Variants in EMC10 observed in about 807,000 individuals in gnomAD.
EMC10 encodes ER membrane protein complex subunit 10.
A neutral mutation model predicts 32.2 loss-of-function variants in EMC10; 40 were observed. That is an observed-to-expected ratio of 1.24 (90% CI 0.96 to 1.61). The LOEUF (loss-of-function observed/expected upper bound fraction) is 1.61, where lower values mean the gene tolerates loss of function less well. EMC10 is among the 40% of genes most tolerant of loss of function. EMC10 has a pLI of 0.00. For missense variants in EMC10, 402 were observed against 357.7 expected (o/e 1.12, Z -1.00); for synonymous variants, 178 against 158.4 (o/e 1.12, Z -0.93).
chr19:50,476,870 T>G (rs1453264989), intron 1 of EMC10: 1 of 444,340 alleles, frequency 2.3e-6, no homozygotes, highest in East Asian at 3.7e-5. Context: ...CAAGCGCACC[T>G]GTCGGAAGGC....
At position 50,485,372 on chromosome 19, in the gene EMC10, G is replaced by A. The variant is rs2040378856; in HGVS notation, c.*3113G>A. On this transcript the variant is annotated 3_prime_UTR_variant, in exon 7 of 7. Transcript: ENST00000334976. ...TCCCACCCCTGATCTCCAGACTCAT[G>A]GCCCCAGCTGCCTCCTGGGCTCCTT... 1 of 152,142 alleles carries A rather than the reference G, an allele frequency of 6.6e-6. No individual in the cohort carries two copies. The highest frequency in any genetic ancestry group is 6.6e-5 in the Admixed American group (1 of 15,266). The allele number at this position is 152,142 out of a possible 1,614,324, so 9.4% of individuals were successfully genotyped here.
Position 50,480,083 on chromosome 19 carries a change from G to A in EMC10, c.298-28G>A. On this transcript the variant is annotated intron_variant, in intron 3 of 6. Coordinates refer to ENST00000334976, the MANE Select transcript of EMC10 (RefSeq NM_206538.4). This position sits in a 1 kb window ranked among gnomAD's most constrained non-coding sequence, Gnocchi z 4.4. ...TGTCCAGGGCTGACACCATCCTTCT[G>A]ACCAGCACCCTCTTCTCCCATCCCC... 1 of 1,571,336 alleles carries A rather than the reference G, an allele frequency of 6.4e-7. No homozygotes were observed. The highest frequency in any genetic ancestry group is 8.7e-7 in the Non-Finnish European group (1 of 1,154,062).
Position 50,485,732 on chromosome 19 carries a change from C to T in EMC10, c.*3473C>T, listed in dbSNP as rs1293111509. 6.8e-6 allele frequency: 1 copy of T among 146,318 alleles called. No individual in the cohort carries two copies. Among genetic ancestry groups the T allele is most frequent in the African/African-American group, 2.5e-5 (1 of 39,840 alleles). 9.1% of individuals were successfully genotyped at this position (146,318 alleles called of 1,614,324 possible). Reference sequence around the variant, plus strand: ...GTCCATCCCCCTAATGGAGAGCTTCCTGACACTAGAGCTGACCTCACTACT... The same window carrying T: ...GTCCATCCCCCTAATGGAGAGCTTCTTGACACTAGAGCTGACCTCACTACT... On this transcript the variant is annotated 3_prime_UTR_variant, in exon 7 of 7. Transcript: ENST00000334976.
chr19:50,483,358 C>T lies in EMC10; in HGVS notation c.*1099C>T. The T allele has an allele frequency of 6.1e-6, 2 of 325,974 alleles. No homozygotes were observed. The highest frequency in any genetic ancestry group is 4.9e-5 in the South Asian group (2 of 40,444). 20.2% of individuals were successfully genotyped at this position (325,974 alleles called of 1,614,324 possible). A position where few individuals can be genotyped will look rare whatever the true frequency, so the allele number is the denominator to read the frequency against. Reference sequence around the variant, plus strand: ...TCCCCCAGATCGACACGCAGCTAGCCTCCTGCATTGTATGGTTATAAATAG... The same window carrying T: ...TCCCCCAGATCGACACGCAGCTAGCTTCCTGCATTGTATGGTTATAAATAG... On this transcript the variant is annotated 3_prime_UTR_variant, in exon 7 of 7. Coordinates refer to ENST00000334976, the MANE Select transcript of EMC10 (RefSeq NM_206538.4).
Position 50,480,064 on chromosome 19 carries a change from G to C in EMC10, c.298-47G>C. On this transcript the variant is annotated intron_variant, in intron 3 of 6. Coordinates refer to ENST00000334976, the MANE Select transcript of EMC10 (RefSeq NM_206538.4). This position sits in a 1 kb window ranked among gnomAD's most constrained non-coding sequence, Gnocchi z 4.4. Reference sequence around the variant, plus strand: ...CCTGGTGGGCATCACAGCCTGTCCAGGGCTGACACCATCCTTCTGACCAGC... The same window carrying C: ...CCTGGTGGGCATCACAGCCTGTCCACGGCTGACACCATCCTTCTGACCAGC... 1 of 1,504,744 alleles carries C rather than the reference G, an allele frequency of 6.6e-7. No homozygotes were observed. The highest frequency in any genetic ancestry group is 9.1e-7 in the Non-Finnish European group (1 of 1,103,720). The allele number at this position is 1,504,744 out of a possible 1,614,324, so 93.2% of individuals were successfully genotyped here.
In EMC10 at chr19:50,488,588, G is replaced by A. The variant is rs1346045887; in HGVS notation, c.*6329G>A. Reference sequence around the variant, plus strand: ...TTGGGGGAGAAGAGGGTGGGGGAGAGGGGGCCCCGGGAGAGGGAGGGATGG... The same window carrying A: ...TTGGGGGAGAAGAGGGTGGGGGAGAAGGGGCCCCGGGAGAGGGAGGGATGG... On this transcript the variant is annotated 3_prime_UTR_variant, in exon 7 of 7. Transcript: ENST00000334976. 1 of 145,638 alleles carries A rather than the reference G, an allele frequency of 6.9e-6. No homozygotes were observed. Among genetic ancestry groups the A allele is most frequent in the Non-Finnish European group, 1.5e-5 (1 of 66,148 alleles). 9.0% of individuals were successfully genotyped at this position (145,638 alleles called of 1,614,324 possible).
At chr19:50,479,317 C>T (rs1388393282) in intron 3 of EMC10, among the ~76,000 whole-genome samples, 1 of 152,240 alleles carries the variant, frequency 6.6e-6, no homozygotes, top group African/African-American at 2.4e-5. Context: ...TGCTGGCAGA[C>T]CCCCTTCCCC....
chr19:50,481,434 CCAG>C (rs1432098356), intron 6 of EMC10: 1 of 227,648 alleles, frequency 4.4e-6, no homozygotes, highest in African/African-American at 2.3e-5. Context: ...GCCTGTGCTG[CCAG>C]CAGCAGGTCT....
Position 50,480,783 on chromosome 19 carries a change from C to T in EMC10, c.584+21C>T, listed in dbSNP as rs770437098. 77 of 1,571,878 alleles carry T rather than the reference C, an allele frequency of 4.9e-5. No individual in the cohort carries two copies. In the Middle Eastern group the frequency reaches 1.2e-3, roughly 24 times the overall value. ...CCAGGGTGAGCCTCTGCTGCCTTCG[C>T]GGCGCTCTTGCCACCTGCCCCGGCC... On this transcript the variant is annotated intron_variant, in intron 5 of 6. Transcript: ENST00000334976. This position sits in a 1 kb window ranked among gnomAD's most constrained non-coding sequence, Gnocchi z 4.4.
rs1041241953 is a variant in EMC10 at position 50,483,412 on chromosome 19, C to T, written c.*1153C>T. On this transcript the variant is annotated 3_prime_UTR_variant, in exon 7 of 7. Coordinates refer to ENST00000334976, the MANE Select transcript of EMC10 (RefSeq NM_206538.4). ...CCTAGTGAGTGCTGTCGTCCAGTCT[C>T]TCTTGGGTGTGGTTTGAATGATCTC... 2.4e-5 allele frequency: 5 copies of T among 204,314 alleles called. No homozygotes were observed. Among genetic ancestry groups the T allele is most frequent in the Non-Finnish European group, 3.0e-5 (3 of 98,804 alleles). The allele number at this position is 204,314 out of a possible 1,614,324, so 12.7% of individuals were successfully genotyped here. A position where few individuals can be genotyped will look rare whatever the true frequency, so the allele number is the denominator to read the frequency against.
At position 50,476,761 on chromosome 19, in the gene EMC10, A is replaced by T; in HGVS notation, c.114+103A>T. The T allele has an allele frequency of 2.7e-6, 2 of 741,678 alleles. 1 individual carries two copies. The highest frequency in any genetic ancestry group is 4.1e-6 in the Non-Finnish European group (2 of 487,104). The allele number at this position is 741,678 out of a possible 1,614,324, so 45.9% of individuals were successfully genotyped here. On this transcript the variant is annotated intron_variant, in intron 1 of 6. Coordinates refer to ENST00000334976, the MANE Select transcript of EMC10 (RefSeq NM_206538.4). The stretch of plus-strand genomic sequence containing the variant: ...CGGAAGGAGGCTGCGCAGGGCTGAG[A>T]GGGAAGAGGTGGGAGATCCCTGGAA...
chr19:50,477,068 C>CA (rs1260028526), intron 1 of EMC10: 1 of 159,106 alleles, frequency 6.3e-6, no homozygotes, highest in African/African-American at 2.6e-5. Context: ...CCAGCCTGGG[C>CA]AACATAGCGA....
chr19:50,480,848 G>A lies in EMC10; in HGVS notation c.585-36G>A, dbSNP rs201206109. 4,491 of 1,577,090 alleles carry A rather than the reference G, an allele frequency of 2.8e-3. 80 individuals carry two copies. The highest frequency in any genetic ancestry group is 9.4e-4 in the Non-Finnish European group (1,087 of 1,158,602). On this transcript the variant is annotated intron_variant, in intron 5 of 6. Coordinates refer to ENST00000334976, the MANE Select transcript of EMC10 (RefSeq NM_206538.4). This position sits in a 1 kb window ranked among gnomAD's most constrained non-coding sequence, Gnocchi z 4.4. ...CAGGGTCTCCAGGTCCCTGGACTCC[G>A]GGCCTCACCCTTCTCCTCCTCTCCC...
In EMC10 at chr19:50,481,273, A is replaced by G. The variant is rs184054441; in HGVS notation, c.678+296A>G. 760 of 362,102 alleles carry G rather than the reference A, an allele frequency of 2.1e-3. 6 individuals are homozygous for G. The highest frequency in any genetic ancestry group is 0.015 in the African/African-American group (704 of 47,234). The allele number at this position is 362,102 out of a possible 1,614,324, so 22.4% of individuals were successfully genotyped here. On this transcript the variant is annotated intron_variant, in intron 6 of 6. Transcript: ENST00000334976. ...AGGGAACAGTGGAGGTTTCAAAGGAACCAGGGAGGCTTGGAAAGGAGGGGC... is the reference window on the plus strand; with the variant it reads ...AGGGAACAGTGGAGGTTTCAAAGGAGCCAGGGAGGCTTGGAAAGGAGGGGC...
rs1193212156 is a variant in EMC10, at chr19:50,484,093, TCTCAG to T, written c.*1839_*1843del. On this transcript the variant is annotated 3_prime_UTR_variant, in exon 7 of 7. Transcript: ENST00000334976. ...TCCAGGCTGGAGTACAATGGCACGATCTCAGCTCACTGCAACCTCCGCTTCCTGAG... is the reference window on the plus strand; with the variant it reads ...TCCAGGCTGGAGTACAATGGCACGATCTCACTGCAACCTCCGCTTCCTGAG... 7.5e-6 allele frequency: 1 copy of T among 134,212 alleles called. No homozygotes were observed. Among genetic ancestry groups the T allele is most frequent in the Non-Finnish European group, 1.5e-5 (1 of 64,842 alleles). The allele number at this position is 134,212 out of a possible 1,614,324, so 8.3% of individuals were successfully genotyped here. A position where few individuals can be genotyped will look rare whatever the true frequency, so the allele number is the denominator to read the frequency against.
chr19:50,478,782 G>T (rs1477386072), intron 2 of EMC10, among the ~76,000 whole-genome samples, 175 bp from the exon 3 acceptor site: 1 of 152,208 alleles, frequency 6.6e-6, no homozygotes, highest in Non-Finnish European at 1.5e-5. Context: ...TTGTGAGGTG[G>T]AACATGGTGG....
rs1880919 is a variant in EMC10, at chr19:50,483,392, T to C, written c.*1133T>C. 0.097 allele frequency: 23,589 copies of C among 243,728 alleles called. 2,048 individuals are homozygous for C. Among genetic ancestry groups the C allele is most frequent in the African/African-American group, 0.27 (11,835 of 43,394 alleles). 15.1% of individuals were successfully genotyped at this position (243,728 alleles called of 1,614,324 possible). ...TGTATGGTTATAAATAGCACCCTAG[T>C]GAGTGCTGTCGTCCAGTCTCTCTTG... On this transcript the variant is annotated 3_prime_UTR_variant, in exon 7 of 7. Transcript: ENST00000334976.
chr19:50,482,705 C>T lies in EMC10; in HGVS notation c.*446C>T, dbSNP rs550535786. 10 of 477,814 alleles carry T rather than the reference C, an allele frequency of 2.1e-5. No homozygotes were observed. Among genetic ancestry groups the T allele is most frequent in the African/African-American group, 2.0e-4 (10 of 50,114 alleles). 29.6% of individuals were successfully genotyped at this position (477,814 alleles called of 1,614,324 possible). A position where few individuals can be genotyped will look rare whatever the true frequency, so the allele number is the denominator to read the frequency against. ...GTCCTGTCCAGGCTCCTGCAGCGCCCCCCTCACTTTGACACTGGACTAGGA... is the reference window on the plus strand; with the variant it reads ...GTCCTGTCCAGGCTCCTGCAGCGCCTCCCTCACTTTGACACTGGACTAGGA... On this transcript the variant is annotated 3_prime_UTR_variant, in exon 7 of 7. Coordinates refer to ENST00000334976, the MANE Select transcript of EMC10 (RefSeq NM_206538.4).
rs2040362239 is a variant in EMC10, at chr19:50,484,017, G to GTTT, written c.*1758_*1759insTTT. On this transcript the variant is annotated 3_prime_UTR_variant, in exon 7 of 7. Coordinates refer to ENST00000334976, the MANE Select transcript of EMC10 (RefSeq NM_206538.4). ...GAGGATTCCAGAAATATTTACTAAT[G>GTTT]CTTTTTTTTTTTTTTTTTTTTTTTT... 6.5e-5 allele frequency: 4 copies of GTTT among 61,244 alleles called. No individual in the cohort carries two copies. The highest frequency in any genetic ancestry group is 2.2e-4 in the African/African-American group (3 of 13,676). The allele number at this position is 61,244 out of a possible 1,614,324, so 3.8% of individuals were successfully genotyped here.
Sources: gnomAD v4.1 joint callset for allele counts (sites outside exome capture counted in the v4.1 genomes callset) on GRCh38, gnomAD v4.1.1 for gene constraint, Gnocchi (gnomAD v3.1) non-coding constraint, MANE v1.5 for transcripts, NCBI Gene and HGNC (gene_info 2026-07-23, HGNC 2026-07-21) for gene names.